Variants in KCNAB2 observed in about 807,000 individuals in gnomAD.
The protein encoded by KCNAB2 is potassium voltage-gated channel subfamily A regulatory beta subunit 2.
A neutral mutation model predicts 63.6 loss-of-function variants in KCNAB2; 29 were observed. The ratio of observed to expected loss-of-function variants is 0.46; its 90% CI spans 0.34 to 0.62. The LOEUF (loss-of-function observed/expected upper bound fraction) is 0.62, where lower values mean the gene tolerates loss of function less well. KCNAB2 is among the 20% of genes least tolerant of loss of function. The pLI, the probability that KCNAB2 is intolerant of heterozygous loss-of-function variation, is 0.01. For missense variants in KCNAB2, 359 were observed against 563.9 expected (o/e 0.64, Z 3.68); for synonymous variants, 222 against 224.2 (o/e 0.99, Z 0.09).
intron 4 of KCNAB2, among the ~76,000 whole-genome samples, chr1:6,076,909 G>A (rs1663714911): frequency 6.6e-6 from 1 of 152,246 alleles, no homozygotes; most frequent in South Asian, 2.1e-4. Flanking sequence ...TTTAGGTCTA[G>A]GGGCGGTGGC....
rs1449306269 is a variant in KCNAB2 at position 6,095,436 on chromosome 1, C to T, written c.846C>T (p.His282=). ...KVEVQLPELF[H]KIGVGAMTWS... is the part of the protein sequence containing the mutation. Reference sequence around the variant, plus strand: ...AGGTGCAGCTGCCGGAGCTGTTCCACAAGATAGGTGGGCACCCTCGGGCCC... The same window carrying T: ...AGGTGCAGCTGCCGGAGCTGTTCCATAAGATAGGTGGGCACCCTCGGGCCC... Residue 282 remains histidine, a synonymous_variant, in exon 12 of 16, where the codon CAC becomes CAT. Coordinates refer to ENST00000378083, the MANE Select transcript of KCNAB2 (RefSeq NM_001199862.2). The T allele has an allele frequency of 3.1e-6, 5 of 1,612,884 alleles. No individual in the cohort carries two copies. In the African/African-American group the frequency reaches 5.3e-5, roughly 17 times the overall value.
At chr1:6,084,654 A>AAAATAC in intron 5 of KCNAB2, among the ~76,000 whole-genome samples, 1 of 152,232 alleles carries the variant, frequency 6.6e-6, no homozygotes, top group South Asian at 2.1e-4. Context: ...CGTCTCTACT[A>AAAATAC]AAAATACAAA....
rs1032000449 is a variant in KCNAB2, at chr1:6,072,932, A to T, written c.262+134A>T. 7.0e-6 allele frequency: 5 copies of T among 717,758 alleles called. No homozygotes were observed. In the African/African-American group the frequency reaches 7.1e-5, roughly 10 times the overall value. The allele number at this position is 717,758 out of a possible 1,614,324, so 44.5% of individuals were successfully genotyped here. ...CTCCCCAGGGAGTAGCTGCACCCAG[A>T]GCCCAGGATTCAGGGGGGCTCGGTT... On this transcript the variant is annotated intron_variant, in intron 3 of 15. Transcript: ENST00000378083.
rs1663052562 is a variant in KCNAB2 at position 6,069,841 on chromosome 1, C to T, written c.219-2914C>T. Among the ~76,000 whole-genome samples the T allele has an allele frequency of 1.3e-5, 2 of 152,320 alleles. No homozygotes were observed. The highest frequency in any genetic ancestry group is 6.5e-5 in the Admixed American group (1 of 15,296). On this transcript the variant is annotated intron_variant, in intron 2 of 15. Coordinates refer to ENST00000378083, the MANE Select transcript of KCNAB2 (RefSeq NM_001199862.2). This position sits in a 1 kb window ranked among gnomAD's most constrained non-coding sequence, Gnocchi z 5.4. ...GTTGAGCAGGGTAATTGCGGCATCACGTGGTGCCCTAGTTTTGTTAAATTA... is the reference window on the plus strand; with the variant it reads ...GTTGAGCAGGGTAATTGCGGCATCATGTGGTGCCCTAGTTTTGTTAAATTA...
intron 9 of KCNAB2, among the ~76,000 whole-genome samples, chr1:6,090,917 A>G (rs1665135027): frequency 1.3e-5 from 2 of 152,180 alleles, no homozygotes; most frequent in Admixed American, 6.5e-5. Flanking sequence ...GAGGAGAAGA[A>G]GCGTTCAGCG....
intron 2 of KCNAB2, among the ~76,000 whole-genome samples, chr1:6,054,489 T>C (rs145053852): frequency 0.012 from 1,874 of 151,944 alleles, 37 homozygotes; most frequent in African/African-American, 0.04. Context: ...AATTAACCAG[T>C]CGTGGTGGCG....
chr1:6,031,067 C>G (rs563117159), upstream of KCNAB2, among the ~76,000 whole-genome samples: 4 of 152,188 alleles, frequency 2.6e-5, no homozygotes, highest in East Asian at 7.7e-4. The surrounding 1 kb of genome is among the most constrained non-coding windows in gnomAD (Gnocchi z 4.1). Context: ...CAGGTGCCAG[C>G]TCCATCAACC....
intron 2 of KCNAB2, among the ~76,000 whole-genome samples, chr1:6,055,554 T>C (rs1342094023): frequency 1.3e-5 from 2 of 152,066 alleles, no homozygotes; most frequent in Admixed American, 1.3e-4. Context: ...CAGAGTTTTG[T>C]CATGTTGACC....
intron 4 of KCNAB2, among the ~76,000 whole-genome samples, chr1:6,075,286 T>G (rs1002576847): frequency 6.6e-6 from 1 of 152,214 alleles, no homozygotes; most frequent in Admixed American, 6.5e-5. Flanking sequence ...GCAGACAGAC[T>G]AGACCCATCC....
Position 6,094,463 on chromosome 1 carries a change from G to A in KCNAB2, c.710G>A (p.Arg237His), listed in dbSNP as rs1206687594. The A allele has an allele frequency of 1.9e-6, 3 of 1,611,302 alleles. No homozygotes were observed. Among genetic ancestry groups the A allele is most frequent in the Non-Finnish European group, 2.5e-6 (3 of 1,179,308 alleles). ...ATGGCCATGTACTGGGGCACGTCAC[G>A]CTGGAGCTCCATGGAGATCATGGTA... ...QGMAMYWGTSRWSSMEIMEAY... is the reference protein window; with the variant it reads ...QGMAMYWGTSHWSSMEIMEAY... The change falls in exon 11 of 16, where the codon CGC becomes CAC. Residue 237 changes from arginine to histidine, a missense_variant. Around this residue, in one of 2 missense-constraint regions of KCNAB2, gnomAD observed 271 missense variants for 476.1 expected, o/e 0.57. Coordinates refer to ENST00000378083, the MANE Select transcript of KCNAB2 (RefSeq NM_001199862.2).
At chr1:6,027,591 G>A (rs1462641311) in intron 1 of KCNAB2, 3 of 152,242 alleles carry the variant, frequency 2.0e-5, no homozygotes, top group Non-Finnish European at 4.4e-5. Flanking sequence ...ACATGTGAAT[G>A]TGGACTGTTC....
intron 12 of KCNAB2, 28 bp downstream of exon 12, chr1:6,095,471 C>A (rs1665541909): frequency 6.2e-7 from 1 of 1,610,138 alleles, no homozygotes; most frequent in African/African-American, 1.3e-5. Context: ...CCTCGCCCCG[C>A]CCCACCCCAC....
At chr1:6,057,777 G>A (rs895786789) in intron 2 of KCNAB2, among the ~76,000 whole-genome samples, 42 of 152,148 alleles carry the variant, frequency 2.8e-4, no homozygotes, top group African/African-American at 9.4e-4. Flanking sequence ...TGGCCACATC[G>A]CTCCAACCTC....
At chr1:6,085,291 G>T in intron 6 of KCNAB2, 43 bp downstream of exon 6, 1 of 1,581,630 alleles carries the variant, frequency 6.3e-7, no homozygotes, top group South Asian at 1.1e-5. Flanking sequence ...GGGTGGGTGC[G>T]GGCGAACTAT....
At chr1:6,051,820 A>G in intron 2 of KCNAB2, 66 bp downstream of exon 2, 1 of 1,466,302 alleles carries the variant, frequency 6.8e-7, no homozygotes. Flanking sequence ...TATGTATAAA[A>G]GGGCTGGGCA....
At position 6,095,231 on chromosome 1, in the gene KCNAB2, G is replaced by A. The variant is rs115403032; in HGVS notation, c.733-92G>A. The A allele has an allele frequency of 4.1e-3, 5,646 of 1,375,158 alleles. 158 individuals carry two copies. In the African/African-American group the frequency reaches 0.068, roughly 16 times the overall value. The allele number at this position is 1,375,158 out of a possible 1,614,324, so 85.2% of individuals were successfully genotyped here. Reference sequence around the variant, plus strand: ...TGCAGCTGCTGGGCCAGCCTGCTCCGGGGACACCTTGGTGCCCTCTCCATG... The same window carrying A: ...TGCAGCTGCTGGGCCAGCCTGCTCCAGGGACACCTTGGTGCCCTCTCCATG... On this transcript the variant is annotated intron_variant, in intron 11 of 15. Transcript: ENST00000378083.
rs1396716179 is a variant in KCNAB2, at chr1:6,096,905, T to G, written c.1069+149T>G. On this transcript the variant is annotated intron_variant, in intron 14 of 15. Transcript: ENST00000378083. This position sits in a 1 kb window ranked among gnomAD's most constrained non-coding sequence, Gnocchi z 5.9. ...ACATCATCCCCCAGCCAGCCTCGGGTAATCGGGCTCTAAGGGGCATGGTTG... is the reference window on the plus strand; with the variant it reads ...ACATCATCCCCCAGCCAGCCTCGGGGAATCGGGCTCTAAGGGGCATGGTTG... 1 of 1,142,858 alleles carries G rather than the reference T, an allele frequency of 8.7e-7. No individual in the cohort carries two copies. Among genetic ancestry groups the G allele is most frequent in the African/African-American group, 1.6e-5 (1 of 63,736 alleles). 70.8% of individuals were successfully genotyped at this position (1,142,858 alleles called of 1,614,324 possible). A position where few individuals can be genotyped will look rare whatever the true frequency, so the allele number is the denominator to read the frequency against.
At chr1:6,039,809 C>T (rs912079406) in intron 1 of KCNAB2, among the ~76,000 whole-genome samples, 8 of 152,236 alleles carry the variant, frequency 5.3e-5, no homozygotes, top group Non-Finnish European at 1.2e-4. Flanking sequence ...AGGCTGCCCT[C>T]AGTTCCTGCC....
intron 1 of KCNAB2, among the ~76,000 whole-genome samples, chr1:5,993,431 C>G (rs893084757): frequency 6.6e-6 from 1 of 152,192 alleles, no homozygotes; most frequent in Non-Finnish European, 1.5e-5. Context: ...CACACACCGC[C>G]ACTTCTGACC....
Sources: allele counts gnomAD v4.1 joint callset (sites outside exome capture counted in the v4.1 genomes callset), GRCh38; gene constraint gnomAD v4.1.1; regional missense constraint gnomAD v4.1.1; non-coding constraint Gnocchi (gnomAD v3.1); transcripts MANE v1.5; gene names NCBI Gene and HGNC (gene_info 2026-07-23, HGNC 2026-07-21).